The following CACHD1 variants were observed in gnomAD, a reference collection of about 807,000 sequenced individuals.
The protein encoded by CACHD1 is VWFA and cache domain-containing protein 1.
In CACHD1, 71 loss-of-function variants were observed where a neutral mutation model predicts 138.7. That is an observed-to-expected ratio of 0.51 (90% confidence interval 0.42 to 0.62). CACHD1 has a LOEUF of 0.62. CACHD1 is among the 20% of genes least tolerant of loss of function. CACHD1 has a pLI of 0.00. For missense variants in CACHD1, 1,389 were observed against 1,625.3 expected (o/e 0.85, Z 2.50); for synonymous variants, 578 against 591.5 (o/e 0.98, Z 0.33).
chr1:64,640,547 C>T (rs1462721215), intron 7 of CACHD1, among the ~76,000 whole-genome samples: 3 of 151,864 alleles, frequency 2.0e-5, no homozygotes, highest in South Asian at 2.1e-4. Flanking sequence ...CATAATGGCA[C>T]GTGCCTGTAG....
chr1:64,569,444 C>T lies in CACHD1; in HGVS notation c.262-12712C>T, dbSNP rs1053979887. Among the ~76,000 whole-genome samples, 5 of 152,088 alleles carry T rather than the reference C, an allele frequency of 3.3e-5. No homozygotes were observed. The South Asian group carries it at 6.2e-4, about 19-fold the overall frequency. On this transcript the variant is annotated intron_variant, in intron 2 of 26. Transcript: ENST00000651257. ...GTTTGAGCAAAACCACAGATTAGTC[C>T]ATTTCCTCATTCCCTTGATTCTCAT...
rs893461399 is a variant in CACHD1 at position 64,678,348 on chromosome 1, A to C, written c.3244+38A>C. On this transcript the variant is annotated intron_variant, in intron 23 of 26. Transcript: ENST00000651257. Reference sequence around the variant, plus strand: ...GATGCCCCAACAATTTGATTCTTGAATATACAATTTCCTGCCTATATGCTA... The same window carrying C: ...GATGCCCCAACAATTTGATTCTTGACTATACAATTTCCTGCCTATATGCTA... 3.3e-6 allele frequency: 5 copies of C among 1,517,832 alleles called. No individual in the cohort carries two copies. In the African/African-American group the frequency reaches 5.7e-5, roughly 17 times the overall value. 94.0% of individuals were successfully genotyped at this position (1,517,832 alleles called of 1,614,324 possible).
chr1:64,553,449 A>G (rs1646774738), intron 2 of CACHD1, among the ~76,000 whole-genome samples: 3 of 152,148 alleles, frequency 2.0e-5, no homozygotes, highest in African/African-American at 4.8e-5. Flanking sequence ...TCACACTTCT[A>G]TGTCCTTTGA....
Position 64,604,703 on chromosome 1 carries a change from A to G in CACHD1, c.517+1791A>G, listed in dbSNP as rs531946994. Among the ~76,000 whole-genome samples the G allele has an allele frequency of 3.3e-5, 5 of 152,190 alleles. No individual in the cohort carries two copies. The South Asian group carries it at 8.3e-4, about 25-fold the overall frequency. The stretch of plus-strand genomic sequence containing the variant: ...AGTCTTGCTATGTTGCCCAGGCTGG[A>G]GTGCAGTGGCGTGATCATGGCTCAC... On this transcript the variant is annotated intron_variant, in intron 4 of 26. Transcript: ENST00000651257.
intron 1 of CACHD1, among the ~76,000 whole-genome samples, chr1:64,492,003 A>T (rs1434030266): frequency 1.3e-5 from 2 of 151,878 alleles, no homozygotes; most frequent in Non-Finnish European, 2.9e-5. Context: ...TGTTGAAATC[A>T]TATACTGTAC....
At chr1:64,565,918 G>A (rs116405277) in intron 2 of CACHD1, among the ~76,000 whole-genome samples, 336 of 152,220 alleles carry the variant, frequency 2.2e-3, no homozygotes, top group African/African-American at 7.8e-3. Flanking sequence ...TGTACTGGCC[G>A]TGATAATAAT....
At chr1:64,582,552 G>A (rs1338508579) in intron 3 of CACHD1, among the ~76,000 whole-genome samples, 1 of 152,152 alleles carries the variant, frequency 6.6e-6, no homozygotes, top group Non-Finnish European at 1.5e-5. Flanking sequence ...AAGTTGAGGA[G>A]TATCAACTAT....
intron 13 of CACHD1, 60 bp downstream of exon 13, chr1:64,658,933 T>C: frequency 7.3e-7 from 1 of 1,370,386 alleles, no homozygotes; most frequent in Non-Finnish European, 9.7e-7. Context: ...AAATATCCTT[T>C]TGAATACCAT....
At chr1:64,683,808 C>T (rs533233057) in intron 26 of CACHD1, among the ~76,000 whole-genome samples, 16 of 152,184 alleles carry the variant, frequency 1.1e-4, no homozygotes, top group African/African-American at 3.6e-4. Context: ...AATTTAAATG[C>T]GTGTTGGCAT....
chr1:64,611,745 T>C (rs983592723), intron 4 of CACHD1, among the ~76,000 whole-genome samples: 1 of 152,194 alleles, frequency 6.6e-6, no homozygotes, highest in African/African-American at 2.4e-5. Flanking sequence ...CTTCCTGTTT[T>C]CTTCAGAGCC....
intron 14 of CACHD1, 23 bp from the exon 15 acceptor site, chr1:64,664,475 C>T: frequency 6.2e-7 from 1 of 1,610,938 alleles, no homozygotes; most frequent in South Asian, 1.1e-5. Flanking sequence ...AGGATCCCTG[C>T]TATGTCTTCC....
intron 1 of CACHD1, among the ~76,000 whole-genome samples, chr1:64,505,398 G>GGGGAA (rs1206735492): frequency 1.3e-5 from 2 of 152,084 alleles, no homozygotes; most frequent in African/African-American, 4.8e-5. Flanking sequence ...GGGGAGGGGA[G>GGGGAA]GGGACATTCC....
intron 22 of CACHD1, 77 bp downstream of exon 22, chr1:64,677,088 A>G (rs1650017918): frequency 8.4e-7 from 1 of 1,191,362 alleles, no homozygotes; most frequent in Non-Finnish European, 1.2e-6. Flanking sequence ...TTAAAAAGGT[A>G]TGTCAGTTTT....
intron 3 of CACHD1, among the ~76,000 whole-genome samples, chr1:64,600,662 G>A (rs1570405229): frequency 6.6e-6 from 1 of 152,248 alleles, no homozygotes; most frequent in African/African-American, 2.4e-5. Flanking sequence ...TCCCTTCATG[G>A]CACTCTTGTC....
chr1:64,651,703 A>G (rs1324118152), intron 9 of CACHD1, among the ~76,000 whole-genome samples: 1 of 152,200 alleles, frequency 6.6e-6, no homozygotes, highest in African/African-American at 2.4e-5. Flanking sequence ...CAAGGCTCAG[A>G]GTAGTTATAT....
intron 1 of CACHD1, among the ~76,000 whole-genome samples, chr1:64,494,196 T>C (rs1384234629): frequency 1.3e-5 from 2 of 152,232 alleles, no homozygotes; most frequent in East Asian, 3.8e-4. Context: ...GTGGATCACT[T>C]TAAGCCCACA....
chr1:64,628,151 A>C (rs1412720495), intron 4 of CACHD1, among the ~76,000 whole-genome samples: 1 of 152,206 alleles, frequency 6.6e-6, no homozygotes, highest in Admixed American at 6.5e-5. Flanking sequence ...TCATTGTTAG[A>C]GTCATATCTC....
rs1570453416 is a variant in CACHD1, at chr1:64,652,192, T to C, written c.1422T>C (p.Tyr474=). The change falls in exon 10 of 27, where the codon TAT becomes TAC. Residue 474 remains tyrosine, a synonymous_variant. Transcript: ENST00000651257. ...GLIMTVSKPC[Y]FGNLLLGIVG... is the part of the protein sequence containing the mutation. Reference sequence around the variant, plus strand: ...TAATGACTGTGAGTAAACCCTGTTATTTTGGAAACCTACTTCTGGGAATTG... The same window carrying C: ...TAATGACTGTGAGTAAACCCTGTTACTTTGGAAACCTACTTCTGGGAATTG... 1 of 1,612,590 alleles carries C rather than the reference T, an allele frequency of 6.2e-7. No individual in the cohort carries two copies. The highest frequency in any genetic ancestry group is 8.5e-7 in the Non-Finnish European group (1 of 1,179,520).
intron 6 of CACHD1, among the ~76,000 whole-genome samples, chr1:64,633,456 G>T (rs147285500): frequency 6.6e-5 from 10 of 152,142 alleles, no homozygotes; most frequent in Non-Finnish European, 1.5e-5. Flanking sequence ...GAGGAGGAGA[G>T]GGGTGGGAGA....
Sources: gnomAD v4.1 joint callset for allele counts (sites outside exome capture counted in the v4.1 genomes callset) on GRCh38, gnomAD v4.1.1 for gene constraint, MANE v1.5 for transcripts, NCBI Gene and HGNC (gene_info 2026-07-23, HGNC 2026-07-21) for gene names.